AUTS2: variants seen among roughly 807,000 people sequenced by gnomAD.
AUTS2 encodes the protein activator of transcription and developmental regulator AUTS2.
In AUTS2, 17 loss-of-function variants were observed where a neutral mutation model predicts 112.4. That is an observed-to-expected ratio of 0.15 (90% CI 0.10 to 0.23). The LOEUF (loss-of-function observed/expected upper bound fraction) is 0.23, where lower values mean the gene tolerates loss of function less well. Ranked by LOEUF, AUTS2 falls within the 10% of genes least tolerant of loss-of-function variation. The pLI, the probability that AUTS2 is intolerant of heterozygous loss-of-function variation, is 1.00. For missense variants in AUTS2, 1,510 were observed against 1,701.6 expected (o/e 0.89, Z 1.98); for synonymous variants, 751 against 702.7 (o/e 1.07, Z -1.09).
intron 4 of AUTS2, among the ~76,000 whole-genome samples, chr7:70,256,632 G>GGC (rs1341257076): frequency 1.3e-5 from 2 of 152,260 alleles, no homozygotes; most frequent in South Asian, 2.1e-4. Context: ...ACATCACCGT[G>GGC]GCTGACCACA....
intron 1 of AUTS2, among the ~76,000 whole-genome samples, chr7:69,616,643 G>A (rs923869525): frequency 6.6e-6 from 1 of 152,128 alleles, no homozygotes; most frequent in Non-Finnish European, 1.5e-5. Context: ...AAGTGAAATC[G>A]CAGAATGGAA....
Position 70,232,444 on chromosome 7 carries a change from C to T in AUTS2, c.660+97873C>T, listed in dbSNP as rs545431437. On this transcript the variant is annotated intron_variant, in intron 4 of 18. Transcript: ENST00000342771. Reference sequence around the variant, plus strand: ...TGAGAGACAGAGTCCCACTCTGTCACGCAGGCTGGAGTGCAGTGGCACGAT... The same window carrying T: ...TGAGAGACAGAGTCCCACTCTGTCATGCAGGCTGGAGTGCAGTGGCACGAT... Among the ~76,000 whole-genome samples, 11 of 151,498 alleles carry T rather than the reference C, an allele frequency of 7.3e-5. 1 individual carries two copies. The highest frequency in any genetic ancestry group is 2.0e-4 in the East Asian group (1 of 5,108).
chr7:70,705,825 C>T (rs1398345535), intron 6 of AUTS2, among the ~76,000 whole-genome samples: 1 of 152,200 alleles, frequency 6.6e-6, no homozygotes, highest in East Asian at 1.9e-4. Flanking sequence ...CTCATCAACC[C>T]TTAAAGCCCT....
At chr7:70,487,224 C>A (rs978801241) in intron 5 of AUTS2, among the ~76,000 whole-genome samples, 4 of 151,524 alleles carry the variant, frequency 2.6e-5, no homozygotes, top group Non-Finnish European at 4.4e-5. Context: ...CTCCTTTCCT[C>A]CCCCGCGCCC....
intron 4 of AUTS2, among the ~76,000 whole-genome samples, chr7:70,368,044 AGGG>A (rs1164112500): frequency 6.6e-6 from 1 of 152,186 alleles, no homozygotes; most frequent in Non-Finnish European, 1.5e-5. Flanking sequence ...TATATAGGCT[AGGG>A]ATACCTGTAT....
intron 4 of AUTS2, among the ~76,000 whole-genome samples, chr7:70,135,545 C>G (rs1806510787): frequency 6.6e-6 from 1 of 152,018 alleles, no homozygotes; most frequent in African/African-American, 2.4e-5. Context: ...TTTCTTCTGC[C>G]CACGTATTTC....
intron 4 of AUTS2, among the ~76,000 whole-genome samples, chr7:70,141,394 A>G (rs1806855617): frequency 6.6e-6 from 1 of 152,176 alleles, no homozygotes; most frequent in South Asian, 2.1e-4. Context: ...ATTTGAATGT[A>G]GGAAAATGGT....
rs1457037255 is a variant in AUTS2, at chr7:70,764,827, G to A, written c.1290G>A (p.Pro430=). ...TCTCCCACCACCCCTCTGCCTCCCC[G>A]TTCCCCCTCTCCCTGCCCAACCACA... ...PHISHHPSAS[P]FPLSLPNHSP... The change falls in exon 8 of 19, where the codon CCG becomes CCA. Residue 430 remains proline (P), a synonymous_variant. Coordinates refer to ENST00000342771, the MANE Select transcript of AUTS2 (RefSeq NM_015570.4). 16 of 236,806 alleles carry A rather than the reference G, an allele frequency of 6.8e-5. No individual in the cohort carries two copies. Among genetic ancestry groups the A allele is most frequent in the Non-Finnish European group, 1.0e-4 (14 of 136,362 alleles). 14.7% of individuals were successfully genotyped at this position (236,806 alleles called of 1,614,324 possible). A position where few individuals can be genotyped will look rare whatever the true frequency, so the allele number is the denominator to read the frequency against.
At chr7:70,015,906 T>C (rs1800008383) in intron 2 of AUTS2, among the ~76,000 whole-genome samples, 1 of 152,020 alleles carries the variant, frequency 6.6e-6, no homozygotes. Context: ...GCTGCATTTC[T>C]GCTTGCTGTG....
intron 5 of AUTS2, among the ~76,000 whole-genome samples, chr7:70,476,283 G>T (rs1361074883): frequency 6.6e-6 from 1 of 152,074 alleles, no homozygotes; most frequent in East Asian, 1.9e-4. Context: ...GATTCAGACA[G>T]CTCTGTGAGC....
intron 1 of AUTS2, among the ~76,000 whole-genome samples, chr7:69,626,587 GT>G (rs1362768173): frequency 6.6e-6 from 1 of 152,162 alleles, no homozygotes; most frequent in African/African-American, 2.4e-5. Flanking sequence ...CAAGGTTTTA[GT>G]TTATTATATA....
At chr7:69,794,720 C>A (rs1306060499) in intron 1 of AUTS2, among the ~76,000 whole-genome samples, 1 of 151,978 alleles carries the variant, frequency 6.6e-6, no homozygotes, top group Admixed American at 6.5e-5. Context: ...AGGGCTCTCT[C>A]TTTATGCTTT....
intron 2 of AUTS2, among the ~76,000 whole-genome samples, chr7:69,920,183 T>C (rs1221895282): frequency 2.0e-5 from 3 of 152,146 alleles, no homozygotes; most frequent in Admixed American, 1.3e-4. Flanking sequence ...GGTGAAGGAA[T>C]GTAATGAAAT....
chr7:70,068,358 G>T (rs375324781), intron 2 of AUTS2, among the ~76,000 whole-genome samples: 23 of 146,756 alleles, frequency 1.6e-4, no homozygotes, highest in African/African-American at 1.2e-4. Context: ...TTTTTTTTTT[G>T]TATTTTTAGT....
Position 70,066,827 on chromosome 7 carries a change from G to A in AUTS2, c.523-51305G>A, listed in dbSNP as rs117111616. On this transcript the variant is annotated intron_variant, in intron 2 of 18. Transcript: ENST00000342771. ...AGTGCTGGGGTTACAGGCATGAGCC[G>A]CCACTCCTGGCCCCCAGTAAATAAT... Among the ~76,000 whole-genome samples, 1,121 of 152,116 alleles carry A rather than the reference G, an allele frequency of 7.4e-3. 4 individuals are homozygous for A. The highest frequency in any genetic ancestry group is 0.012 in the Non-Finnish European group (830 of 67,984).
intron 1 of AUTS2, among the ~76,000 whole-genome samples, chr7:69,652,579 C>T (rs912570212): frequency 1.3e-5 from 2 of 151,688 alleles, no homozygotes; most frequent in African/African-American, 2.4e-5. Context: ...TGGCTCTTGC[C>T]TGTTTCTACA....
At chr7:70,225,966 T>G (rs1159220860) in intron 4 of AUTS2, among the ~76,000 whole-genome samples, 6 of 152,296 alleles carry the variant, frequency 3.9e-5, no homozygotes, top group Admixed American at 2.0e-4. Flanking sequence ...CTCTGTAAAC[T>G]GTACAGAGAG....
At chr7:70,426,860 G>A (rs1423996003) in intron 4 of AUTS2, among the ~76,000 whole-genome samples, 3 of 149,596 alleles carry the variant, frequency 2.0e-5, no homozygotes, top group African/African-American at 5.1e-5. Context: ...ACAACACAGC[G>A]GAAAAAATAG....
intron 1 of AUTS2, among the ~76,000 whole-genome samples, chr7:69,671,193 G>T (rs536466720): frequency 1.3e-5 from 2 of 152,192 alleles, no homozygotes; most frequent in Admixed American, 1.3e-4. Context: ...TTCTTAATGT[G>T]TCCCTGGAAT....
Sources: gnomAD v4.1 joint callset for allele counts (sites outside exome capture counted in the v4.1 genomes callset) on GRCh38, gnomAD v4.1.1 for gene constraint, MANE v1.5 for transcripts, NCBI Gene and HGNC (gene_info 2026-07-23, HGNC 2026-07-21) for gene names.